Variants in RSRC1 observed in about 807,000 individuals in gnomAD.
RSRC1 encodes arginine and serine rich coiled-coil 1.
Under a neutral mutation model 49.1 loss-of-function variants are expected in RSRC1, and 39 were observed. The observed-to-expected ratio is 0.79, with a 90% CI of 0.61 to 1.04. The LOEUF is 1.04. RSRC1 is among the 50% of genes least tolerant of loss of function. RSRC1 has a pLI of 0.00. For missense variants in RSRC1, 388 were observed against 402.4 expected, an observed-to-expected ratio of 0.96 and a Z score of 0.31; for synonymous variants, 143 against 130.8, an observed-to-expected ratio of 1.09 and a Z score of -0.63.
At chr3:158,188,708 G>A (rs1720062364) in intron 3 of RSRC1, among the ~76,000 whole-genome samples, 2 of 151,784 alleles carry the variant, frequency 1.3e-5, no homozygotes, top group South Asian at 2.1e-4. Flanking sequence ...CTCTAATACT[G>A]ATTATTTTAT....
intron 4 of RSRC1, among the ~76,000 whole-genome samples, chr3:158,283,520 T>TA (rs1726303769): frequency 6.6e-6 from 1 of 152,156 alleles, no homozygotes; most frequent in South Asian, 2.1e-4. Flanking sequence ...AAAAAAAACT[T>TA]ACTATAGCAC....
At chr3:158,208,956 G>A (rs1404208571) in intron 4 of RSRC1, among the ~76,000 whole-genome samples, 3 of 151,896 alleles carry the variant, frequency 2.0e-5, no homozygotes, top group African/African-American at 7.3e-5. Context: ...ATAGTTGACT[G>A]GTATAAAACC....
chr3:158,197,464 A>T (rs1720706303), intron 3 of RSRC1, among the ~76,000 whole-genome samples: 1 of 151,876 alleles, frequency 6.6e-6, no homozygotes, highest in South Asian at 2.1e-4. Context: ...TCCTGATTTC[A>T]TTGATTTTTT....
At chr3:158,387,572 C>T (rs1173722988) in intron 6 of RSRC1, among the ~76,000 whole-genome samples, 1 of 152,104 alleles carries the variant, frequency 6.6e-6, no homozygotes, top group Non-Finnish European at 1.5e-5. Context: ...CTTAAAATTC[C>T]ATAGTTTTTC....
At chr3:158,233,351 A>G (rs1723070182) in intron 4 of RSRC1, among the ~76,000 whole-genome samples, 1 of 152,136 alleles carries the variant, frequency 6.6e-6, no homozygotes, top group African/African-American at 2.4e-5. Context: ...TTACTCTTAG[A>G]TATTTTCTAG....
At chr3:158,413,883 G>T (rs778158348) in intron 6 of RSRC1, among the ~76,000 whole-genome samples, 1 of 152,130 alleles carries the variant, frequency 6.6e-6, no homozygotes, top group Non-Finnish European at 1.5e-5. Flanking sequence ...TCACACTGTT[G>T]GTGGGAATGT....
At chr3:158,442,509 C>A (rs1736438005) in intron 6 of RSRC1, among the ~76,000 whole-genome samples, 1 of 152,044 alleles carries the variant, frequency 6.6e-6, no homozygotes. Flanking sequence ...CATCTTCATG[C>A]TCCACTTCTA....
chr3:158,437,091 A>G (rs973209108), intron 6 of RSRC1, among the ~76,000 whole-genome samples: 34 of 151,824 alleles, frequency 2.2e-4, no homozygotes, highest in African/African-American at 8.0e-4. Flanking sequence ...ACGTCTTCCA[A>G]TTCTTTTTAT....
At chr3:158,274,332 G>A (rs914070342) in intron 4 of RSRC1, among the ~76,000 whole-genome samples, 7 of 150,154 alleles carry the variant, frequency 4.7e-5, no homozygotes, top group African/African-American at 1.7e-4. Context: ...TTTCTCCAGT[G>A]TACTGGAATG....
intron 3 of RSRC1, among the ~76,000 whole-genome samples, chr3:158,147,451 A>C (rs1038594261): frequency 4.6e-5 from 7 of 151,166 alleles, no homozygotes; most frequent in African/African-American, 9.7e-5. Context: ...GTATTTACCT[A>C]TCTCCACATT....
At chr3:158,442,240 T>A (rs1431565938) in intron 6 of RSRC1, among the ~76,000 whole-genome samples, 1 of 152,064 alleles carries the variant, frequency 6.6e-6, no homozygotes. Flanking sequence ...TGATTGACTC[T>A]TTCATAAAAT....
intron 3 of RSRC1, among the ~76,000 whole-genome samples, chr3:158,169,286 G>T (rs1256782601): frequency 6.6e-6 from 1 of 152,088 alleles, no homozygotes; most frequent in Non-Finnish European, 1.5e-5. Context: ...GAGTCCCAGG[G>T]ATGGGCATGA....
chr3:158,158,525 G>T (rs1046348706), intron 3 of RSRC1, among the ~76,000 whole-genome samples: 1 of 152,148 alleles, frequency 6.6e-6, no homozygotes, highest in Admixed American at 6.6e-5. Context: ...CTCTCTTGGA[G>T]TAGTCCACAT....
chr3:158,133,656 G>C (rs1267843051), intron 3 of RSRC1, among the ~76,000 whole-genome samples: 1 of 152,152 alleles, frequency 6.6e-6, no homozygotes, highest in East Asian at 1.9e-4. Flanking sequence ...CTCACTTTCT[G>C]AAACCACACA....
chr3:158,542,512 G>A (rs1230685431), intron 8 of RSRC1, among the ~76,000 whole-genome samples: 4 of 152,200 alleles, frequency 2.6e-5, no homozygotes, highest in African/African-American at 9.6e-5. Context: ...TCCCACCTGG[G>A]TGACAGAGTA....
At chr3:158,165,042 A>C (rs1316903130) in intron 3 of RSRC1, among the ~76,000 whole-genome samples, 9 of 152,228 alleles carry the variant, frequency 5.9e-5, no homozygotes. Flanking sequence ...ATACTAAAAT[A>C]AAAGCAAATG....
intron 3 of RSRC1, among the ~76,000 whole-genome samples, chr3:158,187,501 AT>A (rs1719997229): frequency 6.6e-6 from 1 of 152,036 alleles, no homozygotes; most frequent in Admixed American, 6.6e-5. Flanking sequence ...TGTTTCTGGC[AT>A]TTTGATAAGA....
chr3:158,172,552 A>C (rs1331415427), intron 3 of RSRC1, among the ~76,000 whole-genome samples: 1 of 152,144 alleles, frequency 6.6e-6, no homozygotes, highest in East Asian at 1.9e-4. Flanking sequence ...CTCCAAACTT[A>C]TGCAGTTATC....
chr3:158,342,612 A>G (rs1279691154), intron 5 of RSRC1, among the ~76,000 whole-genome samples: 1 of 152,182 alleles, frequency 6.6e-6, no homozygotes, highest in African/African-American at 2.4e-5. Flanking sequence ...CATAGAGATA[A>G]TAAATTATTA....
Sources: gnomAD v4.1 joint callset for allele counts (sites outside exome capture counted in the v4.1 genomes callset) on GRCh38, gnomAD v4.1.1 for gene constraint, MANE v1.5 for transcripts, NCBI Gene and HGNC (gene_info 2026-07-23, HGNC 2026-07-21) for gene names.